The following ZNF501 variants were observed in gnomAD, a reference collection of about 807,000 sequenced individuals.
ZNF501 encodes zinc finger protein 52.
A neutral mutation model predicts 5.7 loss-of-function variants in ZNF501; 7 were observed. The ratio of observed to expected loss-of-function variants is 1.24; its 90% CI spans 0.70 to 2.32. The LOEUF is 2.32. ZNF501 is among the 30% of genes most tolerant of loss of function. The pLI is 0.00. For synonymous variants in ZNF501, 107 were observed against 101.9 expected, an observed-to-expected ratio of 1.05 and a Z score of -0.30; for missense variants, 352 against 321.1, an observed-to-expected ratio of 1.10 and a Z score of -0.73.
Position 44,736,477 on chromosome 3 carries a change from G to A in ZNF501, c.*1240G>A, listed in dbSNP as rs1704702375. On this transcript the variant is annotated 3_prime_UTR_variant, in exon 3 of 3. Coordinates refer to ENST00000620116, the MANE Select transcript of ZNF501 (RefSeq NM_001258280.2). ...ATATCTTTATAGATTTGCAGTTCTG[G>A]TTTATATAATACCAAAGTCACATAC... The A allele has an allele frequency of 6.0e-6, 1 of 166,972 alleles. No homozygotes were observed. Among genetic ancestry groups the A allele is most frequent in the South Asian group, 2.1e-4 (1 of 4,814 alleles). 10.3% of individuals were successfully genotyped at this position (166,972 alleles called of 1,614,324 possible).
Position 44,734,837 on chromosome 3 carries a change from G to A in ZNF501, c.416G>A (p.Cys139Tyr). The change falls in exon 3 of 3, where the codon TGT becomes TAT. Residue 139 changes from cysteine (C) to tyrosine (Y), a missense_variant. Coordinates refer to ENST00000620116, the MANE Select transcript of ZNF501 (RefSeq NM_001258280.2). ...GAGAAACCATATAAATGTACAGAAT[G>A]TGGCAAAGCCTTCAGTCAGAGCATA... ...TGEKPYKCTE[C>Y]GKAFSQSICL... 1 of 1,613,904 alleles carries A rather than the reference G, an allele frequency of 6.2e-7. No homozygotes were observed. Among genetic ancestry groups the A allele is most frequent in the Non-Finnish European group, 8.5e-7 (1 of 1,180,008 alleles).
chr3:44,731,970 G>A (rs1704622349), intron 2 of ZNF501: 1 of 152,238 alleles, frequency 6.6e-6, no homozygotes, highest in East Asian at 1.9e-4. Context: ...AGAGAATATG[G>A]AATGGGCTTC....
In ZNF501 at chr3:44,736,304, T is replaced by G. The variant is rs11926557; in HGVS notation, c.*1067T>G. On this transcript the variant is annotated 3_prime_UTR_variant, in exon 3 of 3. Transcript: ENST00000620116. ...ATGGAGCTTTAGGCTATGCTAAGCC[T>G]TTTAATGTAAACAAGCACCTCTAAC... is the stretch of plus-strand genomic sequence containing the variant. 1 of 166,312 alleles carries G rather than the reference T, an allele frequency of 6.0e-6. No homozygotes were observed. Among genetic ancestry groups the G allele is most frequent in the Non-Finnish European group, 1.5e-5 (1 of 67,896 alleles). The allele number at this position is 166,312 out of a possible 1,614,324, so 10.3% of individuals were successfully genotyped here.
In ZNF501 at chr3:44,735,319, A is replaced by G. The variant is rs1559506625; in HGVS notation, c.*82A>G. On this transcript the variant is annotated 3_prime_UTR_variant, in exon 3 of 3. Transcript: ENST00000620116. ...TAAATTCCTAGGAATGTAAGACTCA[A>G]TCTGTAGCTAGTATGAATATTTTGT... is the stretch of plus-strand genomic sequence containing the variant. 7 of 1,156,748 alleles carry G rather than the reference A, an allele frequency of 6.1e-6. No homozygotes were observed. Among genetic ancestry groups the G allele is most frequent in the Non-Finnish European group, 8.5e-6 (7 of 819,472 alleles). The allele number at this position is 1,156,748 out of a possible 1,614,324, so 71.7% of individuals were successfully genotyped here.
In ZNF501 at chr3:44,736,101, G is replaced by A. The variant is rs532594854; in HGVS notation, c.*864G>A. 6.0e-6 allele frequency: 1 copy of A among 167,188 alleles called. No homozygotes were observed. The highest frequency in any genetic ancestry group is 2.1e-4 in the South Asian group (1 of 4,820). 10.4% of individuals were successfully genotyped at this position (167,188 alleles called of 1,614,324 possible). A position where few individuals can be genotyped will look rare whatever the true frequency, so the allele number is the denominator to read the frequency against. ...CACAGCACCAAATGTGGTCTCTTAA[G>A]GGAAGATGAGGGTAGAAGATGTTAA... On this transcript the variant is annotated 3_prime_UTR_variant, in exon 3 of 3. Coordinates refer to ENST00000620116, the MANE Select transcript of ZNF501 (RefSeq NM_001258280.2).
chr3:44,735,230 G>T lies in ZNF501; in HGVS notation c.809G>T (p.Gly270Val). The stretch of plus-strand genomic sequence containing the variant: ...CTTCGACATCAGAGGCTTCATGCTG[G>T]AGAGTAAAATTTGGAATATAATGAG... ...ALLRHQRLHA[G>V]E The change falls in exon 3 of 3, where the codon GGA (glycine) becomes GTA (valine). Residue 270 changes from glycine to valine, a missense_variant. Physicochemically the swap from Gly to Val is moderately radical, Grantham distance 109. Transcript: ENST00000620116. 6.5e-7 allele frequency: 1 copy of T among 1,548,146 alleles called. No individual in the cohort carries two copies. The highest frequency in any genetic ancestry group is 8.7e-7 in the Non-Finnish European group (1 of 1,148,342).
intron 2 of ZNF501, among the ~76,000 whole-genome samples, chr3:44,733,586 G>A (rs1170338769): frequency 2.6e-5 from 4 of 152,176 alleles, no homozygotes. Flanking sequence ...TGGCTACAAA[G>A]GTGAGGGCCA....
intron 2 of ZNF501, 23 bp from the exon 3 acceptor site, chr3:44,734,174 C>T: frequency 2.5e-6 from 1 of 393,046 alleles, no homozygotes; most frequent in Non-Finnish European, 4.5e-6. Context: ...TTCCTAATAC[C>T]TGTCACTACT....
chr3:44,731,345 A>G (rs1312603126), intron 1 of ZNF501, 131 bp from the exon 2 acceptor site: 6 of 152,260 alleles, frequency 3.9e-5, no homozygotes, highest in African/African-American at 1.4e-4. Flanking sequence ...CTCTAGGATA[A>G]TAACGATATT....
chr3:44,732,193 T>C (rs569526039), intron 2 of ZNF501: 17 of 152,376 alleles, frequency 1.1e-4, no homozygotes, highest in African/African-American at 3.6e-4. Context: ...TGTACACTTA[T>C]GTACGTATTT....
intron 2 of ZNF501, among the ~76,000 whole-genome samples, chr3:44,733,109 C>T (rs1337072791): frequency 6.6e-6 from 1 of 152,162 alleles, no homozygotes; most frequent in Non-Finnish European, 1.5e-5. Context: ...TAGGTGCGAG[C>T]CACCATGCCT....
At position 44,736,958 on chromosome 3, in the gene ZNF501, T is replaced by C. The variant is rs1704711221; in HGVS notation, c.*1721T>C. The C allele has an allele frequency of 6.0e-6, 1 of 166,490 alleles. No individual in the cohort carries two copies. The highest frequency in any genetic ancestry group is 2.1e-4 in the South Asian group (1 of 4,796). 10.3% of individuals were successfully genotyped at this position (166,490 alleles called of 1,614,324 possible). On this transcript the variant is annotated 3_prime_UTR_variant, in exon 3 of 3. Coordinates refer to ENST00000620116, the MANE Select transcript of ZNF501 (RefSeq NM_001258280.2). ...TCAATCCTTGATTCCTTCTCTTTAC[T>C]TTTTTTTTCTTTTTTCTTTTTTTAA...
chr3:44,734,499 A>G lies in ZNF501; in HGVS notation c.78A>G (p.Glu26=). The G allele has an allele frequency of 1.2e-6, 2 of 1,614,180 alleles. No individual in the cohort carries two copies. The highest frequency in any genetic ancestry group is 8.5e-7 in the Non-Finnish European group (1 of 1,180,010). The change falls in exon 3 of 3, where the codon GAA becomes GAG. Residue 26 remains glutamate, a synonymous_variant. Coordinates refer to ENST00000620116, the MANE Select transcript of ZNF501 (RefSeq NM_001258280.2). ...AGAAGAAACCTTCAAAGTGTAGTGA[A>G]TGTGGGAAGTTCTTTACTCAGAGAT... The part of the protein sequence containing the change: ...NMQKKPSKCS[E]CGKFFTQRSS...
At position 44,729,657 on chromosome 3, in the gene ZNF501, C is replaced by T. The variant is rs1315908258; in HGVS notation, c.-669C>T. 1 of 152,384 alleles carries T rather than the reference C, an allele frequency of 6.6e-6. No homozygotes were observed. Among genetic ancestry groups the T allele is most frequent in the Non-Finnish European group, 1.5e-5 (1 of 68,192 alleles). The allele number at this position is 152,384 out of a possible 1,614,324, so 9.4% of individuals were successfully genotyped here. ...CTTACTCCTTTCCGCAGGGCAGCAC[C>T]CAGGGACCTGAGTGTTGCAAGGTGC... On this transcript the variant is annotated 5_prime_UTR_variant, in exon 1 of 3. Transcript: ENST00000620116.
rs1419486210 is a variant in ZNF501 at position 44,736,330 on chromosome 3, G to A, written c.*1093G>A. ...TTTAATGTAAACAAGCACCTCTAAC[G>A]CTAAAAGCACCCTTGCAAGAAAGGT... On this transcript the variant is annotated 3_prime_UTR_variant, in exon 3 of 3. Transcript: ENST00000620116. 1.2e-5 allele frequency: 2 copies of A among 167,110 alleles called. No individual in the cohort carries two copies. The highest frequency in any genetic ancestry group is 1.9e-4 in the East Asian group (1 of 5,180). 10.4% of individuals were successfully genotyped at this position (167,110 alleles called of 1,614,324 possible).
chr3:44,729,706 G>GCCGCGGGGAGCT lies in ZNF501; in HGVS notation c.-613_-612insGAGCTCCGCGGG, dbSNP rs1704576104. The GCCGCGGGGAGCT allele has an allele frequency of 6.6e-6, 1 of 152,440 alleles. No individual in the cohort carries two copies. 9.4% of individuals were successfully genotyped at this position (152,440 alleles called of 1,614,324 possible). Reference sequence around the variant, plus strand: ...GCGAGAGGGGAGCGCCGCGGGGAGCGCCGCGGGAAGCGCATGGTGAGCGGT... The same window carrying GCCGCGGGGAGCT: ...GCGAGAGGGGAGCGCCGCGGGGAGCGCCGCGGGGAGCTCCGCGGGAAGCGCATGGTGAGCGGT... On this transcript the variant is annotated 5_prime_UTR_variant, in exon 1 of 3. Coordinates refer to ENST00000620116, the MANE Select transcript of ZNF501 (RefSeq NM_001258280.2).
chr3:44,734,620 C>T lies in ZNF501; in HGVS notation c.199C>T (p.Gln67Ter). 1 of 1,614,084 alleles carries T rather than the reference C, an allele frequency of 6.2e-7. No homozygotes were observed. The highest frequency in any genetic ancestry group is 1.1e-5 in the South Asian group (1 of 91,068). The change falls in exon 3 of 3, where the codon CAA (glutamine) becomes TAA (stop). Residue 67 changes from glutamine (Q) to a stop codon, truncating the protein, a stop_gained. Coordinates refer to ENST00000620116, the MANE Select transcript of ZNF501 (RefSeq NM_001258280.2). LOFTEE classifies it high-confidence loss of function. Reference protein sequence around the residue: ...SCFRKQSNLTQHLRIHTGEKP... With the variant: ...SCFRKQSNLT ...TTTCCGTAAACAGTCAAATCTTACT[C>T]AACATCTGAGAATTCATACCGGAGA...
In ZNF501 at chr3:44,734,821, T is replaced by C; in HGVS notation, c.400T>C (p.Tyr134His). The stretch of plus-strand genomic sequence containing the variant: ...GCGAATTCATACTGGAGAGAAACCA[T>C]ATAAATGTACAGAATGTGGCAAAGC... Reference protein sequence around the residue: ...HQRIHTGEKPYKCTECGKAFS... With the variant: ...HQRIHTGEKPHKCTECGKAFS... Residue 134 changes from tyrosine to histidine, a missense_variant, in exon 3 of 3, where the codon TAT becomes CAT. Tyr to His is a moderately conservative substitution (Grantham distance 83). Transcript: ENST00000620116. 6 of 1,613,974 alleles carry C rather than the reference T, an allele frequency of 3.7e-6. No homozygotes were observed. Among genetic ancestry groups the C allele is most frequent in the Non-Finnish European group, 2.5e-6 (3 of 1,180,012 alleles).
rs749459435 is a variant in ZNF501, at chr3:44,735,073, T to C, written c.652T>C (p.Tyr218His). 6.3e-5 allele frequency: 101 copies of C among 1,614,054 alleles called. No individual in the cohort carries two copies. The highest frequency in any genetic ancestry group is 8.1e-5 in the Non-Finnish European group (95 of 1,180,020). The change falls in exon 3 of 3, where the codon TAT becomes CAT. Residue 218 changes from tyrosine (Y) to histidine (H), a missense_variant. Physicochemically the swap from Tyr to His is moderately conservative, Grantham distance 83 (BLOSUM62 2). Transcript: ENST00000620116. ...AAGGACTCACACTGGAGAGAAACTT[T>C]ATAAGTGTAGTGAGTGTGAAAAAAC... ...HERTHTGEKL[Y>H]KCSECEKTFR...
Sources: allele counts gnomAD v4.1 joint callset (sites outside exome capture counted in the v4.1 genomes callset), GRCh38; gene constraint gnomAD v4.1.1; transcripts MANE v1.5; gene names NCBI Gene and HGNC (gene_info 2026-07-23, HGNC 2026-07-21).